The following TIAM2 variants were observed in gnomAD, a reference collection of about 807,000 sequenced individuals.
TIAM2 encodes TIAM Rac1 associated GEF 2, also known as rho guanine nucleotide exchange factor TIAM2.
In TIAM2, 80 loss-of-function variants were observed where a neutral mutation model predicts 152.9. The ratio of observed to expected loss-of-function variants is 0.52; its 90% CI spans 0.44 to 0.63. The LOEUF (loss-of-function observed/expected upper bound fraction) is 0.63, where lower values mean the gene tolerates loss of function less well. Ranked by LOEUF, TIAM2 falls within the 30% of genes least tolerant of loss-of-function variation. The pLI is 0.00. For missense variants in TIAM2, 1,965 were observed against 2,120.1 expected, an observed-to-expected ratio of 0.93 and a Z score of 1.44; for synonymous variants, 804 against 838.0, an observed-to-expected ratio of 0.96 and a Z score of 0.70.
At chr6:155,140,573 T>TGTGTGAGAGAGAGA (rs1331424200) in intron 5 of TIAM2, among the ~76,000 whole-genome samples, 1 of 107,404 alleles carries the variant, frequency 9.3e-6, no homozygotes, top group African/African-American at 3.9e-5. Flanking sequence ...TGTGTGTGTG[T>TGTGTGAGAGAGAGA]GAGAGAGAGA....
chr6:155,009,091 CTTTTTTTTTTTTTTT>C (rs61651734), intron 1 of TIAM2, among the ~76,000 whole-genome samples: 5 of 61,440 alleles, frequency 8.1e-5, no homozygotes, highest in Non-Finnish European at 1.4e-4. Flanking sequence ...CTCAGAAGAT[CTTTTTTTTTTTTTTT>C]TTTTTTTTTT....
chr6:155,040,469 G>A (rs945363853), intron 1 of TIAM2, among the ~76,000 whole-genome samples: 2 of 152,110 alleles, frequency 1.3e-5, no homozygotes, highest in South Asian at 4.1e-4. Flanking sequence ...TGGAATCCTG[G>A]TTTTGGTAAT....
At chr6:155,067,655 T>C (rs1245461215) in intron 1 of TIAM2, among the ~76,000 whole-genome samples, 1 of 152,008 alleles carries the variant, frequency 6.6e-6, no homozygotes, top group African/African-American at 2.4e-5. Context: ...ATGATGATGA[T>C]TTTGAGACAG....
chr6:155,243,340 C>T (rs577307699), intron 16 of TIAM2, among the ~76,000 whole-genome samples: 1 of 152,130 alleles, frequency 6.6e-6, no homozygotes, highest in Non-Finnish European at 1.5e-5. Flanking sequence ...CTGGGGTGCA[C>T]CTGACACCAG....
Position 155,253,003 on chromosome 6 carries a change from G to A in TIAM2, c.4175G>A (p.Arg1392His), listed in dbSNP as rs374216272. ...NSTDLDPFKF[R>H]WLIPISALQV... ...ACTGACTTGGACCCATTTAAATTCC[G>A]CTGGTTGATCCCCATCTCCGCGCTT... The change falls in exon 24 of 27, where the codon CGC (arginine) becomes CAC (histidine). Residue 1392 changes from arginine (R) to histidine (H), a missense_variant. Coordinates refer to ENST00000682666, the MANE Select transcript of TIAM2 (RefSeq NM_012454.4). The A allele has an allele frequency of 6.8e-6, 11 of 1,613,990 alleles. No individual in the cohort carries two copies. The highest frequency in any genetic ancestry group is 1.6e-4 in the Middle Eastern group (1 of 6,084).
chr6:155,176,660 A>G (rs1780765910), intron 9 of TIAM2, among the ~76,000 whole-genome samples, 156 bp from the exon 10 acceptor site: 1 of 152,240 alleles, frequency 6.6e-6, no homozygotes, highest in South Asian at 2.1e-4. Flanking sequence ...TGAGTGAGGA[A>G]ACGTTGTCAG....
intron 15 of TIAM2, among the ~76,000 whole-genome samples, chr6:155,229,968 A>G (rs1782393079): frequency 1.3e-5 from 2 of 151,820 alleles, no homozygotes; most frequent in Non-Finnish European, 2.9e-5. Flanking sequence ...CCCATGATTC[A>G]ATTACCTCCC....
intron 15 of TIAM2, among the ~76,000 whole-genome samples, chr6:155,238,866 A>T (rs768924255): frequency 4.6e-5 from 7 of 152,190 alleles, no homozygotes; most frequent in Admixed American, 1.3e-4. Context: ...CCCTCAATTG[A>T]TGACCACTGA....
chr6:155,093,059 G>A (rs149838699), intron 2 of TIAM2, among the ~76,000 whole-genome samples: 187 of 152,250 alleles, frequency 1.2e-3, no homozygotes, highest in South Asian at 2.9e-3. Flanking sequence ...TTGCAAACAT[G>A]CCATTTTCTG....
chr6:155,021,406 C>G (rs935341657), intron 1 of TIAM2, among the ~76,000 whole-genome samples: 1 of 152,024 alleles, frequency 6.6e-6, no homozygotes, highest in Non-Finnish European at 1.5e-5. Flanking sequence ...GGATTGCAGA[C>G]GCCTGCCACC....
At chr6:155,006,214 C>T (rs1420426542) in intron 1 of TIAM2, among the ~76,000 whole-genome samples, 1 of 152,126 alleles carries the variant, frequency 6.6e-6, no homozygotes, top group East Asian at 1.9e-4. Flanking sequence ...AAGTCCCTGA[C>T]GTTGAGGTCA....
intron 15 of TIAM2, among the ~76,000 whole-genome samples, chr6:155,226,853 T>G (rs1782266095): frequency 6.6e-6 from 1 of 152,210 alleles, no homozygotes; most frequent in African/African-American, 2.4e-5. Context: ...GGGGCTTGGT[T>G]TCTTCTGGAG....
intron 1 of TIAM2, among the ~76,000 whole-genome samples, chr6:155,020,315 G>A (rs1026969942): frequency 3.3e-5 from 5 of 152,186 alleles, no homozygotes; most frequent in South Asian, 2.1e-4. Context: ...AAGGATAACC[G>A]TCAGGGGGAA....
At chr6:155,250,124 C>T (rs1783559857) in intron 21 of TIAM2, among the ~76,000 whole-genome samples, 155 bp downstream of exon 21, 1 of 152,082 alleles carries the variant, frequency 6.6e-6, no homozygotes, top group African/African-American at 2.4e-5. Context: ...ACACAATTTA[C>T]ATATAGACAT....
chr6:155,201,072 C>T (rs1487293516), intron 14 of TIAM2, among the ~76,000 whole-genome samples: 1 of 152,166 alleles, frequency 6.6e-6, no homozygotes, highest in Non-Finnish European at 1.5e-5. Flanking sequence ...AATGTGTAAC[C>T]TGTCATGTCT....
intron 1 of TIAM2, among the ~76,000 whole-genome samples, chr6:155,007,658 A>T (rs987833860): frequency 6.6e-6 from 1 of 152,210 alleles, no homozygotes; most frequent in Non-Finnish European, 1.5e-5. Flanking sequence ...TCTCTTCAAT[A>T]AAGGCCATTT....
chr6:155,053,803 C>A (rs2114927398), intron 1 of TIAM2, among the ~76,000 whole-genome samples: 1 of 152,230 alleles, frequency 6.6e-6, no homozygotes, highest in South Asian at 2.1e-4. Context: ...GATTTGTAAT[C>A]CATGTTTATC....
Position 155,144,884 on chromosome 6 carries a change from A to T in TIAM2, c.1803+106A>T. The T allele has an allele frequency of 4.5e-6, 6 of 1,335,842 alleles. No individual in the cohort carries two copies. In the South Asian group the frequency reaches 8.5e-5, roughly 19 times the overall value. The allele number at this position is 1,335,842 out of a possible 1,614,324, so 82.7% of individuals were successfully genotyped here. ...AATGAAATTGAATAAATACTTAGTT[A>T]GGCTTTGGATTTGGCCTTAAGCAAC... On this transcript the variant is annotated intron_variant, in intron 6 of 26. Transcript: ENST00000682666.
At chr6:155,116,443 T>A (rs1395032335) in intron 2 of TIAM2, among the ~76,000 whole-genome samples, 3 of 152,196 alleles carry the variant, frequency 2.0e-5, no homozygotes, top group Admixed American at 6.5e-5. Flanking sequence ...TTACACATTT[T>A]ATGAAGGTGG....
Sources: gnomAD v4.1 joint callset for allele counts (sites outside exome capture counted in the v4.1 genomes callset) on GRCh38, gnomAD v4.1.1 for gene constraint, MANE v1.5 for transcripts, NCBI Gene and HGNC (gene_info 2026-07-23, HGNC 2026-07-21) for gene names.